GRIN2B: variants seen among roughly 807,000 people sequenced by gnomAD.
GRIN2B encodes glutamate ionotropic receptor NMDA type subunit 2B, also known as glutamate receptor ionotropic, NMDA 2B.
GRIN2B carries 5 observed loss-of-function variants against 114.5 expected under a neutral mutation model. That is an observed-to-expected ratio of 0.04 (90% confidence interval 0.02 to 0.09). GRIN2B has a LOEUF of 0.09. GRIN2B is among the 10% of genes least tolerant of loss of function. The pLI, the probability that GRIN2B is intolerant of heterozygous loss-of-function variation, is 1.00. For missense variants in GRIN2B, 1,108 were observed against 1,943.5 expected (o/e 0.57, Z 8.08); for synonymous variants, 787 against 745.1 (o/e 1.06, Z -0.92).
At chr12:13,578,150 C>T (rs1206647422) in intron 10 of GRIN2B, among the ~76,000 whole-genome samples, 1 of 152,142 alleles carries the variant, frequency 6.6e-6, no homozygotes, top group Non-Finnish European at 1.5e-5. Context: ...AAACTCCCAG[C>T]CTCAAGCAAT....
At chr12:13,845,622 G>A (rs1865458864) in intron 3 of GRIN2B, among the ~76,000 whole-genome samples, 1 of 152,106 alleles carries the variant, frequency 6.6e-6, no homozygotes, top group African/African-American at 2.4e-5. Flanking sequence ...CTTGGCCTCA[G>A]TGTCCTCTAT....
chr12:13,661,553 C>T (rs1011449275), intron 5 of GRIN2B, among the ~76,000 whole-genome samples: 1 of 152,156 alleles, frequency 6.6e-6, no homozygotes, highest in South Asian at 2.1e-4. Context: ...AATGCCCAAT[C>T]CCTTAATCCT....
At chr12:13,699,490 G>A (rs563101155) in intron 4 of GRIN2B, among the ~76,000 whole-genome samples, 1 of 152,064 alleles carries the variant, frequency 6.6e-6, no homozygotes, top group African/African-American at 2.4e-5. Flanking sequence ...GTTGGCAAAG[G>A]AAACTTGTCT....
intron 2 of GRIN2B, among the ~76,000 whole-genome samples, chr12:13,874,068 C>T (rs1480253154): frequency 2.6e-5 from 4 of 152,158 alleles, no homozygotes; most frequent in Admixed American, 2.0e-4. Context: ...TCCTAAGCCC[C>T]CCAGCTCCTG....
chr12:13,706,776 A>G (rs760123450), intron 4 of GRIN2B, among the ~76,000 whole-genome samples: 5 of 152,104 alleles, frequency 3.3e-5, no homozygotes, highest in Non-Finnish European at 7.4e-5. Context: ...TACAGGGACA[A>G]AACACTCACA....
intron 3 of GRIN2B, among the ~76,000 whole-genome samples, chr12:13,772,691 G>A (rs1863927550): frequency 6.6e-6 from 1 of 152,164 alleles, no homozygotes; most frequent in Admixed American, 6.5e-5. Context: ...AAGAGGTAAG[G>A]CGGAAGTAAA....
intron 2 of GRIN2B, among the ~76,000 whole-genome samples, chr12:13,918,110 G>C (rs1013604863): frequency 7.9e-5 from 12 of 152,128 alleles, no homozygotes; most frequent in African/African-American, 2.9e-4. Context: ...TTAGCTTTCA[G>C]TACCAGTTCC....
rs567570732 is a variant in GRIN2B at position 13,788,630 on chromosome 12, G to C, written c.412-34715C>G. Among the ~76,000 whole-genome samples, 4 of 152,234 alleles carry C rather than the reference G, an allele frequency of 2.6e-5. No individual in the cohort carries two copies. The South Asian group carries it at 8.3e-4, about 32-fold the overall frequency. On this transcript the variant is annotated intron_variant, in intron 3 of 13. Coordinates refer to ENST00000609686, the MANE Select transcript of GRIN2B (RefSeq NM_000834.5). ...GTGCCCACTGGGAAAACAATTTCAC[G>C]TGCCTCTTATATAAACTTTGGTTTC...
At chr12:13,772,061 T>G (rs1245926351) in intron 3 of GRIN2B, among the ~76,000 whole-genome samples, 1 of 152,256 alleles carries the variant, frequency 6.6e-6, no homozygotes, top group East Asian at 1.9e-4. Context: ...GCCTCTTTCC[T>G]GCTTCTTACT....
intron 3 of GRIN2B, among the ~76,000 whole-genome samples, chr12:13,774,990 T>C (rs1017467547): frequency 6.6e-6 from 1 of 151,994 alleles, no homozygotes; most frequent in Non-Finnish European, 1.5e-5. Flanking sequence ...ATGATGATGA[T>C]GATGATGATG....
At chr12:13,712,764 C>T (rs1454646603) in intron 4 of GRIN2B, among the ~76,000 whole-genome samples, 12 of 151,760 alleles carry the variant, frequency 7.9e-5, no homozygotes, top group Admixed American at 2.0e-4. Context: ...AAGTATAGGG[C>T]GTATGTTTTC....
At chr12:13,705,281 T>A (rs1352070761) in intron 4 of GRIN2B, among the ~76,000 whole-genome samples, 3 of 152,168 alleles carry the variant, frequency 2.0e-5, no homozygotes, top group Non-Finnish European at 4.4e-5. Context: ...TGCCATATGA[T>A]CTCACAGTTA....
intron 3 of GRIN2B, among the ~76,000 whole-genome samples, chr12:13,790,889 G>C (rs1055912802): frequency 3.3e-5 from 5 of 152,154 alleles, no homozygotes; most frequent in Non-Finnish European, 7.3e-5. Flanking sequence ...CAGAGAGCGG[G>C]GCCAAGAGTG....
chr12:13,676,515 C>T (rs1950075787), intron 4 of GRIN2B, among the ~76,000 whole-genome samples: 1 of 151,974 alleles, frequency 6.6e-6, no homozygotes. Context: ...AAGGGGATAA[C>T]TTAGGTTAAC....
chr12:13,597,912 G>A (rs1949096332), intron 10 of GRIN2B, among the ~76,000 whole-genome samples: 1 of 152,146 alleles, frequency 6.6e-6, no homozygotes, highest in South Asian at 2.1e-4. Flanking sequence ...AGAGAAATAG[G>A]CAGGTTTGGC....
chr12:13,974,605 C>T (rs1209717645), intron 2 of GRIN2B, among the ~76,000 whole-genome samples: 1 of 151,974 alleles, frequency 6.6e-6, no homozygotes, highest in Non-Finnish European at 1.5e-5. Flanking sequence ...CTATTTTTTC[C>T]TCAAGACATA....
At chr12:13,680,399 C>G (rs560149355) in intron 4 of GRIN2B, among the ~76,000 whole-genome samples, 61 of 150,140 alleles carry the variant, frequency 4.1e-4, no homozygotes, top group African/African-American at 1.5e-3. Context: ...AGAAGTTCTG[C>G]CCATGAGACT....
At chr12:13,953,386 G>A (rs1867528715) in intron 2 of GRIN2B, among the ~76,000 whole-genome samples, 1 of 152,166 alleles carries the variant, frequency 6.6e-6, no homozygotes, top group South Asian at 2.1e-4. Flanking sequence ...CATTGCAGAG[G>A]AGAATGTGGG....
At chr12:13,953,614 A>G (rs1220469278) in intron 2 of GRIN2B, among the ~76,000 whole-genome samples, 1 of 152,130 alleles carries the variant, frequency 6.6e-6, no homozygotes, top group Non-Finnish European at 1.5e-5. Context: ...TGGAGAGAGG[A>G]GAAGCTACAA....
Sources: allele counts gnomAD v4.1 joint callset (sites outside exome capture counted in the v4.1 genomes callset), GRCh38; gene constraint gnomAD v4.1.1; transcripts MANE v1.5; gene names NCBI Gene and HGNC (gene_info 2026-07-23, HGNC 2026-07-21).